Variants in KCNH1 observed in about 807,000 individuals in gnomAD.
KCNH1 encodes the protein potassium voltage-gated channel subfamily H member 1, also known as voltage-gated delayed rectifier potassium channel KCNH1.
In KCNH1, 27 loss-of-function variants were observed where a neutral mutation model predicts 69.2. The ratio of observed to expected loss-of-function variants is 0.39; its 90% CI spans 0.29 to 0.54. The LOEUF (loss-of-function observed/expected upper bound fraction) is 0.54, where lower values mean the gene tolerates loss of function less well. Ranked by LOEUF, KCNH1 falls within the 20% of genes least tolerant of loss-of-function variation. The probability of loss-of-function intolerance (pLI) is 0.68; values close to 1 mark genes in which losing one functional copy is unlikely to be tolerated. For synonymous variants in KCNH1, 456 were observed against 487.7 expected (o/e 0.93, Z 0.86); for missense variants, 798 against 1,261.6 (o/e 0.63, Z 5.57).
At chr1:211,094,086 C>T (rs539036536) in intron 3 of KCNH1, among the ~76,000 whole-genome samples, 4 of 152,268 alleles carry the variant, frequency 2.6e-5, no homozygotes, top group African/African-American at 9.6e-5. Flanking sequence ...GCAGTAGTCC[C>T]CAACCTTTTT....
At chr1:211,033,895 C>T (rs1300679885) in intron 5 of KCNH1, among the ~76,000 whole-genome samples, 1 of 150,938 alleles carries the variant, frequency 6.6e-6, no homozygotes, top group African/African-American at 2.4e-5. Flanking sequence ...GCATGTGTAC[C>T]CTAAAACTTA....
intron 9 of KCNH1, among the ~76,000 whole-genome samples, chr1:210,788,645 C>T (rs934082416): frequency 2.8e-5 from 4 of 145,248 alleles, no homozygotes; most frequent in Admixed American, 2.0e-4. Context: ...AGTGGTTTTG[C>T]ATTTCTGAAA....
At chr1:211,075,399 G>A (rs1339747071) in intron 5 of KCNH1, among the ~76,000 whole-genome samples, 1 of 152,186 alleles carries the variant, frequency 6.6e-6, no homozygotes, top group Non-Finnish European at 1.5e-5. Context: ...CATCATGTTG[G>A]TAGTGTCTCC....
intron 6 of KCNH1, among the ~76,000 whole-genome samples, chr1:210,971,925 T>C (rs752776481): frequency 2.0e-5 from 3 of 152,140 alleles, no homozygotes; most frequent in Non-Finnish European, 2.9e-5. Context: ...TAATCCATTA[T>C]TATGTCTTTA....
At chr1:210,999,225 G>T (rs908550698) in intron 6 of KCNH1, among the ~76,000 whole-genome samples, 4 of 152,160 alleles carry the variant, frequency 2.6e-5, no homozygotes, top group African/African-American at 9.7e-5. Flanking sequence ...GAATCCAGGG[G>T]CTGGTTTTTT....
intron 6 of KCNH1, among the ~76,000 whole-genome samples, chr1:210,998,621 A>T (rs1434145601): frequency 6.6e-6 from 1 of 152,178 alleles, no homozygotes; most frequent in African/African-American, 2.4e-5. Flanking sequence ...AAAGTTAACA[A>T]GGATATCCAG....
chr1:210,973,680 C>G (rs1320060883), intron 6 of KCNH1, among the ~76,000 whole-genome samples: 1 of 152,060 alleles, frequency 6.6e-6, no homozygotes, highest in Non-Finnish European at 1.5e-5. Flanking sequence ...CTATAGCAAA[C>G]TTACAATTTT....
intron 1 of KCNH1, among the ~76,000 whole-genome samples, chr1:211,118,802 C>A (rs565974812): frequency 6.6e-6 from 1 of 152,096 alleles, no homozygotes; most frequent in Admixed American, 6.5e-5. Flanking sequence ...ATCAAAATTA[C>A]GACAAATAAC....
chr1:210,861,783 T>C, intron 7 of KCNH1: 1 of 770,836 alleles, frequency 1.3e-6, no homozygotes, highest in South Asian at 1.4e-5. Flanking sequence ...CTGCTACCAA[T>C]GGACTCCACT....
chr1:210,797,319 A>G (rs1408809647), intron 9 of KCNH1, among the ~76,000 whole-genome samples, 189 bp downstream of exon 9: 2 of 152,230 alleles, frequency 1.3e-5, no homozygotes, highest in African/African-American at 2.4e-5. Context: ...AATACTCCAG[A>G]TATCAAACAG....
chr1:210,970,347 G>A (rs183479427), intron 6 of KCNH1, among the ~76,000 whole-genome samples: 46 of 150,348 alleles, frequency 3.1e-4, no homozygotes, highest in African/African-American at 1.0e-3. Flanking sequence ...TCCCACTTAT[G>A]AGTGAGAACA....
chr1:210,937,301 T>C (rs888514703), intron 6 of KCNH1, among the ~76,000 whole-genome samples: 2 of 152,246 alleles, frequency 1.3e-5, no homozygotes, highest in African/African-American at 4.8e-5. Flanking sequence ...ACATTCTGCA[T>C]GGCCACATAG....
chr1:210,865,830 GA>G, intron 7 of KCNH1, among the ~76,000 whole-genome samples: 1 of 152,050 alleles, frequency 6.6e-6, no homozygotes, highest in East Asian at 1.9e-4. Context: ...TTTTTATTTT[GA>G]AACTTGGCCT....
chr1:211,040,114 C>T (rs1396830902), intron 5 of KCNH1, among the ~76,000 whole-genome samples: 2 of 150,132 alleles, frequency 1.3e-5, no homozygotes, highest in Non-Finnish European at 2.9e-5. Context: ...TGGCGTGAAC[C>T]TGGGAGGCAG....
chr1:211,072,493 A>G, intron 5 of KCNH1, among the ~76,000 whole-genome samples: 1 of 152,346 alleles, frequency 6.6e-6, no homozygotes, highest in Middle Eastern at 3.4e-3. Flanking sequence ...TAACTAATCT[A>G]ACAGATGACA....
At chr1:210,881,014 AAT>A (rs199733030) in intron 7 of KCNH1, among the ~76,000 whole-genome samples, 4,907 of 140,260 alleles carry the variant, frequency 0.035, 197 homozygotes, top group East Asian at 0.14. Flanking sequence ...TTAAAACAGT[AAT>A]ATTTTTTTTT....
At chr1:211,091,181 C>T (rs1691044964) in intron 3 of KCNH1, among the ~76,000 whole-genome samples, 1 of 152,144 alleles carries the variant, frequency 6.6e-6, no homozygotes, top group East Asian at 1.9e-4. Flanking sequence ...TGACCAATCA[C>T]ACATGGGCCA....
chr1:210,958,833 G>C (rs1418068054), intron 6 of KCNH1, among the ~76,000 whole-genome samples: 1 of 152,148 alleles, frequency 6.6e-6, no homozygotes, highest in Non-Finnish European at 1.5e-5. Context: ...AAGGTTTTTA[G>C]CTTCCTTGCG....
intron 5 of KCNH1, among the ~76,000 whole-genome samples, chr1:211,035,558 G>A (rs1304588636): frequency 6.6e-6 from 1 of 152,050 alleles, no homozygotes; most frequent in Non-Finnish European, 1.5e-5. Flanking sequence ...TTATTGCTAG[G>A]ACATTTTATC....
Sources: allele counts gnomAD v4.1 joint callset (sites outside exome capture counted in the v4.1 genomes callset), GRCh38; gene constraint gnomAD v4.1.1; transcripts MANE v1.5; gene names NCBI Gene and HGNC (gene_info 2026-07-23, HGNC 2026-07-21).